LGR4: variants seen among roughly 807,000 people sequenced by gnomAD.
LGR4 encodes the protein leucine-rich repeat-containing G protein-coupled receptor 4.
In LGR4, 44 loss-of-function variants were observed where a neutral mutation model predicts 84.8. The ratio of observed to expected loss-of-function variants is 0.52; its 90% CI spans 0.41 to 0.67. The LOEUF (loss-of-function observed/expected upper bound fraction) is 0.67, where lower values mean the gene tolerates loss of function less well. Ranked by LOEUF, LGR4 falls within the 30% of genes least tolerant of loss-of-function variation. The pLI is 0.00. For missense variants in LGR4, 1,032 were observed against 1,131.4 expected (o/e 0.91, Z 1.26); for synonymous variants, 429 against 434.3 (o/e 0.99, Z 0.15).
Position 27,400,255 on chromosome 11 carries a change from A to G in LGR4, c.258-7737T>C, listed in dbSNP as rs572428616. On this transcript the variant is annotated intron_variant, in intron 2 of 17. Coordinates refer to ENST00000379214, the MANE Select transcript of LGR4 (RefSeq NM_018490.5). ...ACACTTATGGTCCCAAGTATTTCAA[A>G]TAAGGGGTACTCAACCTACTGGCCC... Among the ~76,000 whole-genome samples the G allele has an allele frequency of 6.7e-4, 102 of 152,174 alleles. 1 individual carries two copies. The highest frequency in any genetic ancestry group is 1.4e-3 in the Non-Finnish European group (94 of 68,036).
rs555564038 is a variant in LGR4, at chr11:27,390,283, C to T, written c.401+811G>A. On this transcript the variant is annotated intron_variant, in intron 4 of 17. Coordinates refer to ENST00000379214, the MANE Select transcript of LGR4 (RefSeq NM_018490.5). Reference sequence around the variant, plus strand: ...GTTATTTCAAAGTATAATACAAAACCTAAGAGACAAATTGTATGCAAATAT... The same window carrying T: ...GTTATTTCAAAGTATAATACAAAACTTAAGAGACAAATTGTATGCAAATAT... 5.7e-4 allele frequency among the ~76,000 whole-genome samples: 87 copies of T among 152,176 alleles called. 1 individual carries two copies. Among genetic ancestry groups the T allele is most frequent in the African/African-American group, 2.0e-3 (82 of 41,524 alleles).
At chr11:27,406,410 T>C (rs1465055084) in intron 2 of LGR4, among the ~76,000 whole-genome samples, 4 of 152,150 alleles carry the variant, frequency 2.6e-5, no homozygotes, top group Non-Finnish European at 5.9e-5. Context: ...CAGCTTATAA[T>C]GAGCTATGTA....
intron 1 of LGR4, among the ~76,000 whole-genome samples, chr11:27,438,848 G>A (rs927765530): frequency 3.3e-5 from 5 of 152,038 alleles, no homozygotes; most frequent in South Asian, 2.1e-4. Flanking sequence ...CAGCTCTCCC[G>A]GGTCCCAGGC....
chr11:27,384,415 G>GC lies in LGR4; in HGVS notation c.618-9_618-8insG, dbSNP rs761637599. The GC allele has an allele frequency of 6.9e-6, 11 of 1,594,644 alleles. No individual in the cohort carries two copies. The South Asian group carries it at 1.2e-4, about 18-fold the overall frequency. On this transcript the variant is annotated splice_polypyrimidine_tract_variant and intron_variant, in intron 5 of 17. Coordinates refer to ENST00000379214, the MANE Select transcript of LGR4 (RefSeq NM_018490.5). Reference sequence around the variant, plus strand: ...TTATTGTTATGAAGATGCCTAAGGGGGAAAAAAAGCATAAAATGACTTTTC... The same window carrying GC: ...TTATTGTTATGAAGATGCCTAAGGGGCGAAAAAAAGCATAAAATGACTTTTC...
intron 2 of LGR4, among the ~76,000 whole-genome samples, chr11:27,408,536 A>C (rs1272167215): frequency 6.6e-6 from 1 of 152,032 alleles, no homozygotes; most frequent in Non-Finnish European, 1.5e-5. Context: ...GCTGTTCCTA[A>C]CTCCAACATT....
At chr11:27,414,728 G>T (rs768547497) in intron 1 of LGR4, among the ~76,000 whole-genome samples, 16 of 151,486 alleles carry the variant, frequency 1.1e-4, no homozygotes, top group Non-Finnish European at 1.9e-4. Context: ...ACTCTAGCAA[G>T]ATACTGGAGA....
chr11:27,438,949 T>C (rs1465575926), intron 1 of LGR4, among the ~76,000 whole-genome samples: 2 of 152,160 alleles, frequency 1.3e-5, no homozygotes, highest in African/African-American at 4.8e-5. Flanking sequence ...ATATATCCTA[T>C]ATATATTCTA....
chr11:27,470,968 C>A (rs1052512268), intron 1 of LGR4, among the ~76,000 whole-genome samples: 1 of 152,094 alleles, frequency 6.6e-6, no homozygotes, highest in Non-Finnish European at 1.5e-5. Context: ...CTAAGAGGTC[C>A]CTTCCACTAC....
Position 27,472,181 on chromosome 11 carries a change from A to C in LGR4, c.122T>G (p.Val41Gly), listed in dbSNP as rs1864889924. 6 of 1,234,504 alleles carry C rather than the reference A, an allele frequency of 4.9e-6. No individual in the cohort carries two copies. Among genetic ancestry groups the C allele is most frequent in the Non-Finnish European group, 1.0e-6 (1 of 973,500 alleles). 76.5% of individuals were successfully genotyped at this position (1,234,504 alleles called of 1,614,324 possible). Reference sequence around the variant, plus strand: ...CGTCAGCCCCTTCCCGGAGCAGTCCACCCGACGGTCGCCGTCGCAGCTGCA... The same window carrying C: ...CGTCAGCCCCTTCCCGGAGCAGTCCCCCCGACGGTCGCCGTCGCAGCTGCA... ...APCSCDGDRR[V>G]DCSGKGLTAV... The change falls in exon 1 of 18, where the codon GTG (valine) becomes GGG (glycine). Residue 41 changes from valine (V) to glycine (G), a missense_variant. Physicochemically the swap from Val to Gly is moderately radical, Grantham distance 109. Coordinates refer to ENST00000379214, the MANE Select transcript of LGR4 (RefSeq NM_018490.5).
intron 1 of LGR4, among the ~76,000 whole-genome samples, chr11:27,460,892 CTT>C (rs879451978): frequency 3.5e-5 from 5 of 144,174 alleles, no homozygotes; most frequent in Admixed American, 7.0e-5. Context: ...ACATCTCAAA[CTT>C]TTTTTTTTTT....
rs749568257 is a variant in LGR4 at position 27,472,161 on chromosome 11, G to A, written c.142C>T (p.Leu48=). 7.7e-7 allele frequency: 1 copy of A among 1,303,182 alleles called. No homozygotes were observed. Among genetic ancestry groups the A allele is most frequent in the South Asian group, 1.4e-5 (1 of 69,928 alleles). 80.7% of individuals were successfully genotyped at this position (1,303,182 alleles called of 1,614,324 possible). A position where few individuals can be genotyped will look rare whatever the true frequency, so the allele number is the denominator to read the frequency against. ...DRRVDCSGKG[L]TAVPEGLSAF... ...CTGAGCCCCTCGGGCACGGCCGTCA[G>A]CCCCTTCCCGGAGCAGTCCACCCGA... is the stretch of plus-strand genomic sequence containing the variant. Residue 48 remains leucine (L), a synonymous_variant, in exon 1 of 18, where the codon CTG becomes TTG. Coordinates refer to ENST00000379214, the MANE Select transcript of LGR4 (RefSeq NM_018490.5).
intron 1 of LGR4, among the ~76,000 whole-genome samples, chr11:27,459,147 G>A (rs80258963): frequency 0.011 from 1,621 of 152,220 alleles, 24 homozygotes; most frequent in African/African-American, 0.037. Context: ...ATGATACCAA[G>A]AACCATCAGA....
chr11:27,455,347 T>A (rs1441248459), intron 1 of LGR4, among the ~76,000 whole-genome samples: 1 of 152,140 alleles, frequency 6.6e-6, no homozygotes, highest in Non-Finnish European at 1.5e-5. Flanking sequence ...TGCCAGCTCT[T>A]AATAGAGAAG....
At chr11:27,406,552 C>T (rs545048880) in intron 2 of LGR4, among the ~76,000 whole-genome samples, 6 of 152,224 alleles carry the variant, frequency 3.9e-5, no homozygotes, top group African/African-American at 7.2e-5. Flanking sequence ...AGGGCCTATA[C>T]GGCATATTAG....
chr11:27,369,011 G>A lies in LGR4; in HGVS notation c.1712C>T (p.Pro571Leu). The change falls in exon 18 of 18, where the codon CCT (proline) becomes CTT (leucine). Residue 571 changes from proline (P) to leucine (L), a missense_variant. Physicochemically the swap from Pro to Leu is moderately conservative, Grantham distance 98. Transcript: ENST00000379214. ...LTTFASCTSL[P>L]SSKLFIGLIS... ...CAAGCCTATAAACAATTTGGACGAA[G>A]GCAGTGATGTACAAGATGCAAATGT... 1.9e-6 allele frequency: 3 copies of A among 1,614,062 alleles called. No individual in the cohort carries two copies. The highest frequency in any genetic ancestry group is 2.5e-6 in the Non-Finnish European group (3 of 1,180,008).
rs1862776671 is a variant in LGR4, at chr11:27,367,022, T to C, written c.*845A>G. ...GTAGAGCCAACGATATTAGGAAGTA[T>C]TCATTAATGAGAACATTACATGAAG... On this transcript the variant is annotated 3_prime_UTR_variant, in exon 18 of 18. Coordinates refer to ENST00000379214, the MANE Select transcript of LGR4 (RefSeq NM_018490.5). 6.6e-6 allele frequency: 1 copy of C among 152,230 alleles called. No homozygotes were observed. Among genetic ancestry groups the C allele is most frequent in the African/African-American group, 2.4e-5 (1 of 41,464 alleles). 9.4% of individuals were successfully genotyped at this position (152,230 alleles called of 1,614,324 possible). A position where few individuals can be genotyped will look rare whatever the true frequency, so the allele number is the denominator to read the frequency against.
chr11:27,384,044 T>C (rs1863145096), intron 6 of LGR4, among the ~76,000 whole-genome samples: 1 of 152,226 alleles, frequency 6.6e-6, no homozygotes. Context: ...AAAACTGTCA[T>C]ACATTTAACA....
At position 27,368,367 on chromosome 11, in the gene LGR4, T is replaced by A. The variant is rs745859717; in HGVS notation, c.2356A>T (p.Thr786Ser). 6 of 1,613,802 alleles carry A rather than the reference T, an allele frequency of 3.7e-6. No homozygotes were observed. The highest frequency in any genetic ancestry group is 1.7e-4 in the Middle Eastern group (1 of 6,060). ...SISPEIMKSV[T>S]LIFFPLPACL... is the part of the protein sequence containing the mutation. ...GCAGGCAATGGAAAAAATATCAGAG[T>A]AACAGACTTCATTATTTCGGGGCTG... Residue 786 changes from threonine to serine, a missense_variant, in exon 18 of 18, where the codon ACT becomes TCT. Coordinates refer to ENST00000379214, the MANE Select transcript of LGR4 (RefSeq NM_018490.5).
intron 2 of LGR4, among the ~76,000 whole-genome samples, chr11:27,399,068 A>T (rs1246361054): frequency 6.6e-6 from 1 of 151,704 alleles, no homozygotes; most frequent in Non-Finnish European, 1.5e-5. Flanking sequence ...GTACCACCAC[A>T]CTCGGCTAAT....
Sources: allele counts gnomAD v4.1 joint callset (sites outside exome capture counted in the v4.1 genomes callset), GRCh38; gene constraint gnomAD v4.1.1; transcripts MANE v1.5; gene names NCBI Gene and HGNC (gene_info 2026-07-23, HGNC 2026-07-21).